Variants in SNX29 observed in about 807,000 individuals in gnomAD.
The protein encoded by SNX29 is sorting nexin 29, also known as sorting nexin-29.
In SNX29, 78 loss-of-function variants were observed where a neutral mutation model predicts 102.1. The observed-to-expected ratio is 0.76, with a 90% CI of 0.64 to 0.92. SNX29 has a LOEUF of 0.92. Ranked by LOEUF, SNX29 falls within the 40% of genes least tolerant of loss-of-function variation. SNX29 has a pLI of 0.00. For synonymous variants in SNX29, 580 were observed against 414.5 expected (o/e 1.40, Z -4.85); for missense variants, 1,280 against 1,061.7 (o/e 1.21, Z -2.86).
At chr16:12,076,014 TC>T (rs2151326195) in intron 10 of SNX29, among the ~76,000 whole-genome samples, 1 of 152,308 alleles carries the variant, frequency 6.6e-6, no homozygotes, top group African/African-American at 2.4e-5. Flanking sequence ...CCTAAGCCCT[TC>T]GGAAAAGCGC....
chr16:12,414,551 T>A (rs1294044680), intron 18 of SNX29, among the ~76,000 whole-genome samples: 1 of 152,196 alleles, frequency 6.6e-6, no homozygotes, highest in Non-Finnish European at 1.5e-5. Flanking sequence ...TGATCTGTGA[T>A]TCCCCCGGTC....
intron 19 of SNX29, among the ~76,000 whole-genome samples, chr16:12,509,512 C>A (rs11645652): frequency 6.6e-6 from 1 of 152,136 alleles, no homozygotes; most frequent in Non-Finnish European, 1.5e-5. Context: ...CAGAACATGT[C>A]GGAACCCCGT....
intron 20 of SNX29, among the ~76,000 whole-genome samples, chr16:12,544,577 G>A (rs968227923): frequency 2.0e-5 from 3 of 152,216 alleles, no homozygotes; most frequent in Non-Finnish European, 4.4e-5. Flanking sequence ...TCATTGTTCT[G>A]CAGGCATTTC....
chr16:12,403,224 G>A (rs929566590), intron 17 of SNX29, among the ~76,000 whole-genome samples: 2 of 148,502 alleles, frequency 1.3e-5, no homozygotes, highest in South Asian at 2.1e-4. Flanking sequence ...GTGTGTGTGT[G>A]TGTGTGTGTG....
intron 13 of SNX29, among the ~76,000 whole-genome samples, chr16:12,181,369 G>A (rs1407103086): frequency 6.6e-6 from 1 of 152,224 alleles, no homozygotes; most frequent in East Asian, 1.9e-4. Context: ...CATTGGTTCG[G>A]TCTGGAAGGC....
chr16:12,546,331 T>C (rs1303937436), intron 20 of SNX29: 1 of 152,140 alleles, frequency 6.6e-6, no homozygotes, highest in Admixed American at 6.5e-5. Flanking sequence ...AGAAAGAAGG[T>C]TTAATGGACT....
chr16:12,325,529 G>A (rs28394044), intron 15 of SNX29, among the ~76,000 whole-genome samples: 23 of 152,174 alleles, frequency 1.5e-4, no homozygotes, highest in Non-Finnish European at 2.6e-4. Flanking sequence ...CATTGCTGAA[G>A]TTTAGACTTG....
chr16:12,568,566 CA>C lies in SNX29; in HGVS notation c.2382del (p.Lys794AsnfsTer50). 6.2e-7 allele frequency: 1 copy of C among 1,608,422 alleles called. No homozygotes were observed. On this transcript the variant is annotated frameshift_variant, in exon 21 of 21. Transcript: ENST00000566228. LOFTEE classifies it high-confidence loss of function. ...SRPKAASRFP[K>X]LSRGQPRETR... is the part of the protein sequence containing the mutation. ...GGCCCAAAGCAGCTTCCCGCTTCCC[CA>C]AACTGTCCCGGGGTCAGCCCCGGGA...
At chr16:12,036,575 C>T (rs1156679792) in intron 4 of SNX29, among the ~76,000 whole-genome samples, 3 of 152,076 alleles carry the variant, frequency 2.0e-5, no homozygotes, top group East Asian at 1.9e-4. Flanking sequence ...ACCTCGTGAT[C>T]CACCTGCCTC....
intron 13 of SNX29, among the ~76,000 whole-genome samples, chr16:12,151,210 C>T (rs2055286564): frequency 6.6e-6 from 1 of 152,140 alleles, no homozygotes; most frequent in South Asian, 2.1e-4. Flanking sequence ...TTTTGCTTAA[C>T]AACTTACAGC....
intron 13 of SNX29, among the ~76,000 whole-genome samples, chr16:12,176,728 G>C (rs1187360425): frequency 6.6e-6 from 1 of 152,098 alleles, no homozygotes; most frequent in Non-Finnish European, 1.5e-5. Context: ...AATACCCCAT[G>C]GATACCAAAG....
At chr16:12,562,943 G>T (rs557104416) in intron 20 of SNX29, among the ~76,000 whole-genome samples, 1 of 152,084 alleles carries the variant, frequency 6.6e-6, no homozygotes, top group African/African-American at 2.4e-5. Context: ...TGCATAGTAA[G>T]AAGCAAACAT....
chr16:12,429,202 A>G (rs1344520371), intron 18 of SNX29, among the ~76,000 whole-genome samples: 1 of 152,224 alleles, frequency 6.6e-6, no homozygotes, highest in East Asian at 1.9e-4. Flanking sequence ...TATGATTGCA[A>G]GTAATATCTC....
At chr16:12,326,292 G>T (rs2081115817) in intron 15 of SNX29, among the ~76,000 whole-genome samples, 1 of 151,360 alleles carries the variant, frequency 6.6e-6, no homozygotes, top group African/African-American at 2.4e-5. Context: ...GGTATTACAG[G>T]TGTGAGCCCA....
At chr16:12,325,395 C>A (rs2081085041) in intron 15 of SNX29, among the ~76,000 whole-genome samples, 1 of 152,154 alleles carries the variant, frequency 6.6e-6, no homozygotes, top group Non-Finnish European at 1.5e-5. Context: ...TGCATTCTGG[C>A]AGCTCTTATT....
At chr16:12,208,332 C>T (rs1376100619) in intron 14 of SNX29, among the ~76,000 whole-genome samples, 5 of 152,204 alleles carry the variant, frequency 3.3e-5, no homozygotes, top group African/African-American at 1.2e-4. Context: ...CCTGCTGGGG[C>T]ACTCAGAGGT....
chr16:12,219,291 A>G (rs374036426), intron 14 of SNX29, among the ~76,000 whole-genome samples: 1 of 151,960 alleles, frequency 6.6e-6, no homozygotes, highest in Admixed American at 6.5e-5. Flanking sequence ...ATCTTCTATA[A>G]AAGTGGTTTT....
intron 18 of SNX29, among the ~76,000 whole-genome samples, chr16:12,426,364 G>C (rs2085080381): frequency 6.6e-6 from 1 of 152,178 alleles, no homozygotes; most frequent in African/African-American, 2.4e-5. Flanking sequence ...GGCAGGCCTT[G>C]CTCTGATCCT....
At chr16:12,014,588 T>G (rs933956068) in intron 3 of SNX29, among the ~76,000 whole-genome samples, 1 of 151,726 alleles carries the variant, frequency 6.6e-6, no homozygotes, top group African/African-American at 2.4e-5. Flanking sequence ...CAAAATTAGT[T>G]GGGCGTGGTG....
Sources: allele counts gnomAD v4.1 joint callset (sites outside exome capture counted in the v4.1 genomes callset), GRCh38; gene constraint gnomAD v4.1.1; transcripts MANE v1.5; gene names NCBI Gene and HGNC (gene_info 2026-07-23, HGNC 2026-07-21).